CRYL1: variants seen among roughly 807,000 people sequenced by gnomAD.
CRYL1 encodes the protein crystallin lambda 1, also known as lambda-crystallin homolog.
Under a neutral mutation model 36.6 loss-of-function variants are expected in CRYL1, and 29 were observed. That is an observed-to-expected ratio of 0.79 (90% CI 0.59 to 1.08). The LOEUF is 1.08. Ranked by LOEUF, CRYL1 falls within the 50% of genes least tolerant of loss-of-function variation. CRYL1 has a pLI of 0.00. For synonymous variants in CRYL1, 152 were observed against 151.5 expected (o/e 1.00, Z -0.02); for missense variants, 411 against 407.9 (o/e 1.01, Z -0.06).
At chr13:20,498,923 T>C (rs1187878778) in intron 2 of CRYL1, among the ~76,000 whole-genome samples, 2 of 152,240 alleles carry the variant, frequency 1.3e-5, no homozygotes, top group Non-Finnish European at 2.9e-5. Context: ...CTTTGATATT[T>C]GACAGACTTC....
At chr13:20,404,340 C>G (rs1187397186) in intron 7 of CRYL1, 98 bp from the exon 8 acceptor site, 1 of 796,210 alleles carries the variant, frequency 1.3e-6, no homozygotes, top group Admixed American at 2.3e-5. Flanking sequence ...GCAGAAACTG[C>G]TTTCAAAGAC....
chr13:20,503,145 A>G lies in CRYL1; in HGVS notation c.149+9298T>C, dbSNP rs145715057. ...TATATATGACTTTTACAAATCAGAT[A>G]AAACAAGGCTATTTTTATTTGGGAA... is the stretch of plus-strand genomic sequence containing the variant. On this transcript the variant is annotated intron_variant, in intron 2 of 7. Coordinates refer to ENST00000298248, the MANE Select transcript of CRYL1 (RefSeq NM_015974.3). Among the ~76,000 whole-genome samples the G allele has an allele frequency of 2.4e-3, 366 of 152,372 alleles. 1 individual carries two copies. The highest frequency in any genetic ancestry group is 4.8e-3 in the Admixed American group (73 of 15,306).
intron 4 of CRYL1, 112 bp from the exon 5 acceptor site, chr13:20,432,408 A>G: frequency 1.5e-6 from 1 of 659,526 alleles, no homozygotes. Flanking sequence ...TGGTGCCTTT[A>G]GATTCAGTGG....
chr13:20,497,875 G>C (rs1430062174), intron 2 of CRYL1, among the ~76,000 whole-genome samples: 1 of 150,376 alleles, frequency 6.6e-6, no homozygotes, highest in African/African-American at 2.5e-5. Context: ...TATATACACA[G>C]TACAATATAA....
intron 2 of CRYL1, among the ~76,000 whole-genome samples, chr13:20,509,879 G>A (rs755975072): frequency 2.6e-5 from 4 of 152,086 alleles, no homozygotes; most frequent in African/African-American, 9.7e-5. Context: ...GCAGTGAGCC[G>A]AGATCGTGCC....
At chr13:20,449,282 G>A (rs940296254) in intron 3 of CRYL1, among the ~76,000 whole-genome samples, 83 of 152,290 alleles carry the variant, frequency 5.5e-4, no homozygotes, top group African/African-American at 1.9e-3. Flanking sequence ...ACATGTAAAA[G>A]TAAAGGGACA....
At chr13:20,486,455 T>G (rs1309333048) in intron 3 of CRYL1, among the ~76,000 whole-genome samples, 2 of 150,932 alleles carry the variant, frequency 1.3e-5, no homozygotes, top group Non-Finnish European at 3.0e-5. Context: ...TCCCACACAA[T>G]CCTCCCACCC....
chr13:20,450,490 GA>G (rs36109204), intron 3 of CRYL1, among the ~76,000 whole-genome samples: 6,980 of 151,174 alleles, frequency 0.046, 336 homozygotes, highest in Admixed American at 0.16. Context: ...GAGAATCCTA[GA>G]AAAAAAAACT....
intron 5 of CRYL1, among the ~76,000 whole-genome samples, chr13:20,414,224 CACACAT>C (rs1312654675): frequency 1.3e-5 from 2 of 149,244 alleles, no homozygotes; most frequent in Admixed American, 6.7e-5. Flanking sequence ...CACACACACA[CACACAT>C]ATGTATACAC....
At chr13:20,500,394 A>C (rs1213299989) in intron 2 of CRYL1, among the ~76,000 whole-genome samples, 2 of 146,116 alleles carry the variant, frequency 1.4e-5, no homozygotes, top group Non-Finnish European at 3.0e-5. Context: ...TAATAACAAC[A>C]TGTTTTCTTT....
At chr13:20,513,527 A>C (rs897079131) in intron 1 of CRYL1, 1 of 152,196 alleles carries the variant, frequency 6.6e-6, no homozygotes, top group Non-Finnish European at 1.5e-5. Context: ...AAACTGAGGC[A>C]TGGAGGAATT....
chr13:20,452,242 TA>T (rs34122237), intron 3 of CRYL1, among the ~76,000 whole-genome samples: 32 of 134,618 alleles, frequency 2.4e-4, no homozygotes, highest in African/African-American at 2.8e-4. Flanking sequence ...CAGACCGAAT[TA>T]AAAAAAAAAA....
chr13:20,520,898 G>A (rs1041101810), intron 1 of CRYL1, among the ~76,000 whole-genome samples: 1 of 152,104 alleles, frequency 6.6e-6, no homozygotes, highest in East Asian at 1.9e-4. Context: ...GAGGTCAGGA[G>A]ATCGAGACCA....
chr13:20,461,605 A>T (rs556387734), intron 3 of CRYL1, among the ~76,000 whole-genome samples: 1 of 152,270 alleles, frequency 6.6e-6, no homozygotes, highest in African/African-American at 2.4e-5. Flanking sequence ...TCTCACCTCC[A>T]GCAGCTCAGA....
At chr13:20,477,815 A>C (rs1242452537) in intron 3 of CRYL1, among the ~76,000 whole-genome samples, 1 of 145,998 alleles carries the variant, frequency 6.8e-6, no homozygotes, top group East Asian at 1.9e-4. Context: ...ATTCTATTAT[A>C]TATTATACTA....
At chr13:20,430,341 G>A (rs999187412) in intron 5 of CRYL1, 6 of 985,308 alleles carry the variant, frequency 6.1e-6, no homozygotes, top group Non-Finnish European at 7.2e-6. Flanking sequence ...AGGGACTCCA[G>A]GCATCTGAGT....
intron 5 of CRYL1, chr13:20,431,084 G>A (rs776298465): frequency 3.0e-6 from 3 of 985,400 alleles, no homozygotes; most frequent in Non-Finnish European, 3.6e-6. Context: ...TACCTAACGG[G>A]GATTTGGCCC....
At chr13:20,461,252 T>C (rs1396497510) in intron 3 of CRYL1, among the ~76,000 whole-genome samples, 1 of 152,248 alleles carries the variant, frequency 6.6e-6, no homozygotes, top group East Asian at 1.9e-4. Context: ...CTTGGTCTGC[T>C]GCTTATCTTC....
At chr13:20,480,667 C>G (rs142876506) in intron 3 of CRYL1, among the ~76,000 whole-genome samples, 1 of 152,208 alleles carries the variant, frequency 6.6e-6, no homozygotes, top group Non-Finnish European at 1.5e-5. Context: ...GTCACTGCCT[C>G]GTCCATCACT....
Sources: gnomAD v4.1 joint callset for allele counts (sites outside exome capture counted in the v4.1 genomes callset) on GRCh38, gnomAD v4.1.1 for gene constraint, MANE v1.5 for transcripts, NCBI Gene and HGNC (gene_info 2026-07-23, HGNC 2026-07-21) for gene names.